The following CCBE1 variants were observed in gnomAD, a reference collection of about 807,000 sequenced individuals.
CCBE1 encodes the protein collagen and calcium binding EGF domains 1, also known as collagen and calcium-binding EGF domain-containing protein 1.
In CCBE1, 37 loss-of-function variants were observed where a neutral mutation model predicts 50.0. The observed-to-expected ratio is 0.74, with a 90% confidence interval of 0.57 to 0.97. The LOEUF (loss-of-function observed/expected upper bound fraction) is 0.97, where lower values mean the gene tolerates loss of function less well. Ranked by LOEUF, CCBE1 falls within the 50% of genes least tolerant of loss-of-function variation. The pLI is 0.00. For synonymous variants in CCBE1, 234 were observed against 203.7 expected, an observed-to-expected ratio of 1.15 and a Z score of -1.27; for missense variants, 538 against 523.8, an observed-to-expected ratio of 1.03 and a Z score of -0.26.
chr18:59,620,333 G>A (rs141340169), intron 2 of CCBE1, among the ~76,000 whole-genome samples: 237 of 152,280 alleles, frequency 1.6e-3, no homozygotes, highest in African/African-American at 5.4e-3. Context: ...CTGGTTGGAG[G>A]AGAAGAATTT....
intron 2 of CCBE1, among the ~76,000 whole-genome samples, chr18:59,481,084 A>T (rs974013882): frequency 6.6e-6 from 1 of 152,368 alleles, no homozygotes; most frequent in South Asian, 2.1e-4. Flanking sequence ...GTTCAACTAC[A>T]TAAAGGAAAA....
chr18:59,469,099 T>C (rs1342528571), intron 4 of CCBE1, among the ~76,000 whole-genome samples: 1 of 152,234 alleles, frequency 6.6e-6, no homozygotes, highest in African/African-American at 2.4e-5. Context: ...GTCTGCCATA[T>C]GGCTACTTCC....
At chr18:59,544,210 T>G (rs986100338) in intron 2 of CCBE1, among the ~76,000 whole-genome samples, 1 of 152,192 alleles carries the variant, frequency 6.6e-6, no homozygotes, top group Non-Finnish European at 1.5e-5. Context: ...TAGGTGATTT[T>G]TCTAACTCCC....
chr18:59,541,392 A>C (rs1285091152), intron 2 of CCBE1, among the ~76,000 whole-genome samples: 2 of 152,220 alleles, frequency 1.3e-5, no homozygotes, highest in African/African-American at 4.8e-5. Context: ...TTCTACATTA[A>C]ATAATTTAAG....
intron 2 of CCBE1, among the ~76,000 whole-genome samples, chr18:59,534,502 G>A (rs1915173256): frequency 6.6e-6 from 1 of 152,218 alleles, no homozygotes; most frequent in Non-Finnish European, 1.5e-5. Context: ...CTGTCTGAGA[G>A]GGGCTTCCTG....
At chr18:59,478,000 T>C (rs1170035390) in intron 3 of CCBE1, among the ~76,000 whole-genome samples, 2 of 152,182 alleles carry the variant, frequency 1.3e-5, no homozygotes, top group Non-Finnish European at 2.9e-5. Flanking sequence ...TTGAAATCAG[T>C]AGACTTTGAG....
chr18:59,612,831 TTTTTGTTTTTGTTTTTG>T (rs1204081660), intron 2 of CCBE1, among the ~76,000 whole-genome samples: 1 of 112,370 alleles, frequency 8.9e-6, no homozygotes, highest in Non-Finnish European at 1.9e-5. Flanking sequence ...TTTTTGTTTT[TTTTTGTTTTTGTTTTTG>T]TTTTTTTTAA....
Position 59,531,152 on chromosome 18 carries a change from G to A in CCBE1, c.213-50914C>T, listed in dbSNP as rs78896328. On this transcript the variant is annotated intron_variant, in intron 2 of 10. Transcript: ENST00000439986. ...AGCATAACAATGGATCACAGAGTGA[G>A]CTGAATGATCTGATATTCCCCAAAT... Among the ~76,000 whole-genome samples the A allele has an allele frequency of 6.0e-3, 909 of 152,176 alleles. 10 individuals carry two copies. Among genetic ancestry groups the A allele is most frequent in the African/African-American group, 0.021 (866 of 41,500 alleles).
chr18:59,673,536 T>C (rs2054461578), intron 2 of CCBE1, among the ~76,000 whole-genome samples: 1 of 152,222 alleles, frequency 6.6e-6, no homozygotes, highest in South Asian at 2.1e-4. Flanking sequence ...ACATAGTAAG[T>C]GCTCGGCACA....
chr18:59,554,292 T>C (rs552708445), intron 2 of CCBE1, among the ~76,000 whole-genome samples: 3 of 152,208 alleles, frequency 2.0e-5, no homozygotes, highest in Non-Finnish European at 4.4e-5. Flanking sequence ...AACCAGAGCA[T>C]ACTTCTGTCC....
At chr18:59,687,111 C>T (rs1043134879) in intron 2 of CCBE1, among the ~76,000 whole-genome samples, 1 of 152,146 alleles carries the variant, frequency 6.6e-6, no homozygotes, top group Non-Finnish European at 1.5e-5. Context: ...TGGGAAAATT[C>T]CAAAATGAAG....
At chr18:59,653,243 A>G (rs1033268679) in intron 2 of CCBE1, among the ~76,000 whole-genome samples, 2 of 152,076 alleles carry the variant, frequency 1.3e-5, no homozygotes, top group African/African-American at 4.8e-5. Context: ...ATATTCCCCT[A>G]CCCAGGGGTC....
At chr18:59,489,396 TCTTA>T (rs1378770493) in intron 2 of CCBE1, among the ~76,000 whole-genome samples, 4 of 150,370 alleles carry the variant, frequency 2.7e-5, no homozygotes, top group Middle Eastern at 3.4e-3. Context: ...TGATTAACTT[TCTTA>T]TTTTTCTTCT....
intron 9 of CCBE1, among the ~76,000 whole-genome samples, chr18:59,438,553 A>G (rs1910264459): frequency 6.6e-6 from 1 of 152,250 alleles, no homozygotes; most frequent in Non-Finnish European, 1.5e-5. Context: ...ACAGAAATGG[A>G]AACACACAAA....
chr18:59,593,224 A>G (rs570466320), intron 2 of CCBE1, among the ~76,000 whole-genome samples: 48 of 152,348 alleles, frequency 3.2e-4, no homozygotes, highest in African/African-American at 1.1e-3. Flanking sequence ...CCTTTTTGAA[A>G]AAAGACTAAA....
chr18:59,562,975 G>A (rs2052763491), intron 2 of CCBE1, among the ~76,000 whole-genome samples: 1 of 152,198 alleles, frequency 6.6e-6, no homozygotes, highest in South Asian at 2.1e-4. Context: ...ATAAGTCACG[G>A]ATTGCTTAAG....
intron 3 of CCBE1, among the ~76,000 whole-genome samples, chr18:59,476,737 C>T (rs1294726652): frequency 6.6e-6 from 1 of 152,194 alleles, no homozygotes; most frequent in African/African-American, 2.4e-5. Context: ...ATTCTAGTTT[C>T]TTTTTGCCAT....
chr18:59,519,657 C>T (rs1466360104), intron 2 of CCBE1, among the ~76,000 whole-genome samples: 1 of 152,176 alleles, frequency 6.6e-6, no homozygotes, highest in Non-Finnish European at 1.5e-5. Context: ...TTTTGCTGTG[C>T]AGAAGCTCTT....
At chr18:59,697,040 C>T (rs922677396) in intron 1 of CCBE1, among the ~76,000 whole-genome samples, 172 bp downstream of exon 1, 6 of 152,160 alleles carry the variant, frequency 3.9e-5, no homozygotes, top group Non-Finnish European at 7.4e-5. Flanking sequence ...GGCTGATACC[C>T]GGGAGCGGAG....
Sources: gnomAD v4.1 joint callset for allele counts (sites outside exome capture counted in the v4.1 genomes callset) on GRCh38, gnomAD v4.1.1 for gene constraint, MANE v1.5 for transcripts, NCBI Gene and HGNC (gene_info 2026-07-23, HGNC 2026-07-21) for gene names.